TBL1X: variants seen among roughly 807,000 people sequenced by gnomAD.
TBL1X encodes transducin beta like 1 X-linked.
In TBL1X, 10 loss-of-function variants were observed where a neutral mutation model predicts 50.7. That is an observed-to-expected ratio of 0.20 (90% CI 0.12 to 0.33). The LOEUF is 0.33. TBL1X is among the 10% of genes least tolerant of loss of function. The pLI is 1.00. For missense variants in TBL1X, 340 were observed against 504.4 expected, an observed-to-expected ratio of 0.67 and a Z score of 3.12; for synonymous variants, 190 against 214.7, an observed-to-expected ratio of 0.88 and a Z score of 1.01.
chrX:9,685,721 T>TC (rs1373898559), intron 6 of TBL1X, among the ~76,000 whole-genome samples: 25 of 91,821 alleles, frequency 2.7e-4, no homozygotes, highest in South Asian at 1.8e-3. Flanking sequence ...TCTTTTCTTT[T>TC]TTTTTTTTTT....
intron 3 of TBL1X, among the ~76,000 whole-genome samples, chrX:9,646,313 A>G (rs2082804401): frequency 2.7e-5 from 3 of 112,598 alleles, no homozygotes; most frequent in South Asian, 7.3e-4. Context: ...AAAGATGTGC[A>G]AAGTGGTAAA....
intron 2 of TBL1X, among the ~76,000 whole-genome samples, chrX:9,580,372 C>T (rs770071018): frequency 2.9e-4 from 32 of 111,767 alleles, no homozygotes; most frequent in African/African-American, 5.5e-4. Flanking sequence ...TCTGGAAAGG[C>T]GGGACAACTC....
chrX:9,673,892 C>G (rs1437937920), intron 5 of TBL1X, among the ~76,000 whole-genome samples: 3 of 111,508 alleles, frequency 2.7e-5, no homozygotes, highest in Non-Finnish European at 5.6e-5. Flanking sequence ...CATAGTGAAA[C>G]CCCATCTCTA....
chrX:9,600,894 C>A (rs1301070882), intron 2 of TBL1X, among the ~76,000 whole-genome samples: 1 of 111,194 alleles, frequency 9.0e-6, no homozygotes, highest in Non-Finnish European at 1.9e-5. Flanking sequence ...ACGGTGCTGG[C>A]GTTTCAGCTG....
At chrX:9,697,972 C>G (rs1371310419) in intron 12 of TBL1X, among the ~76,000 whole-genome samples, 1 of 111,333 alleles carries the variant, frequency 9.0e-6, no homozygotes, top group Non-Finnish European at 1.9e-5. Context: ...CTAGTTTTAG[C>G]TACCCAGGAA....
At chrX:9,506,014 CATGGCACTT>C (rs781361944) in intron 2 of TBL1X, among the ~76,000 whole-genome samples, 7 of 112,412 alleles carry the variant, frequency 6.2e-5, no homozygotes, top group Non-Finnish European at 9.4e-5. Flanking sequence ...CTCAGTGCCA[CATGGCACTT>C]ATTCTAAAAT....
chrX:9,546,868 G>A (rs1441316851), intron 2 of TBL1X, among the ~76,000 whole-genome samples: 2 of 89,835 alleles, frequency 2.2e-5, no homozygotes, highest in Non-Finnish European at 4.3e-5. Context: ...GCCCAGGCTG[G>A]AGTGCAGTGG....
intron 2 of TBL1X, among the ~76,000 whole-genome samples, chrX:9,588,607 A>ATTT (rs112613645): frequency 2.0e-5 from 2 of 100,560 alleles, no homozygotes; most frequent in African/African-American, 3.7e-5. Context: ...ATTCATTTTG[A>ATTT]TTTTTTTTTT....
chrX:9,622,692 G>A (rs778492634), intron 2 of TBL1X, among the ~76,000 whole-genome samples: 1 of 111,495 alleles, frequency 9.0e-6, no homozygotes, highest in African/African-American at 3.3e-5. Context: ...AGTAGAGATG[G>A]GGTTTTGCCA....
chrX:9,621,569 A>G (rs1219240418), intron 2 of TBL1X, among the ~76,000 whole-genome samples: 2 of 111,937 alleles, frequency 1.8e-5, no homozygotes, highest in Non-Finnish European at 3.8e-5. Flanking sequence ...TGAGGTAGAG[A>G]GAAATGATGC....
At chrX:9,686,881 G>C (rs1232765874) in intron 6 of TBL1X, among the ~76,000 whole-genome samples, 7 of 112,547 alleles carry the variant, frequency 6.2e-5, no homozygotes, top group Non-Finnish European at 1.3e-4. Flanking sequence ...CCAGAATCAA[G>C]GGCCAAGAGT....
chrX:9,608,629 C>T (rs1457206201), intron 2 of TBL1X, among the ~76,000 whole-genome samples: 3 of 112,207 alleles, frequency 2.7e-5, no homozygotes, highest in African/African-American at 6.5e-5. Flanking sequence ...TCCCAAATCC[C>T]TTGAGGCAAT....
chrX:9,580,928 C>T (rs754110862), intron 2 of TBL1X, among the ~76,000 whole-genome samples: 92 of 111,277 alleles, frequency 8.3e-4, no homozygotes, highest in African/African-American at 3.0e-3. Flanking sequence ...TGATGATGTT[C>T]GTGCTGGAGG....
At chrX:9,478,970 T>A (rs767230601) in intron 1 of TBL1X, among the ~76,000 whole-genome samples, 1 of 112,502 alleles carries the variant, frequency 8.9e-6, no homozygotes, top group Non-Finnish European at 1.9e-5. Context: ...AAAAGAGATT[T>A]TAAAATGATT....
At chrX:9,529,196 T>C (rs2082147739) in intron 2 of TBL1X, among the ~76,000 whole-genome samples, 1 of 111,953 alleles carries the variant, frequency 8.9e-6, no homozygotes. Flanking sequence ...TATTGGGACA[T>C]AGCCATGCCC....
At chrX:9,524,626 G>T (rs187015292) in intron 2 of TBL1X, among the ~76,000 whole-genome samples, 68 of 112,703 alleles carry the variant, frequency 6.0e-4, no homozygotes, top group African/African-American at 2.1e-3. Context: ...TGTAACTGTA[G>T]ATGGATACCT....
intron 12 of TBL1X, among the ~76,000 whole-genome samples, chrX:9,701,890 C>T (rs1456051591): frequency 8.9e-6 from 1 of 111,919 alleles, no homozygotes; most frequent in East Asian, 2.8e-4. Context: ...ATGAAACACG[C>T]TGCTGGGGAT....
chrX:9,473,386 A>T (rs777114549), intron 1 of TBL1X, among the ~76,000 whole-genome samples: 1 of 112,123 alleles, frequency 8.9e-6, no homozygotes, highest in South Asian at 3.7e-4. Flanking sequence ...ATTCAAAATT[A>T]TAAACTTGAA....
At chrX:9,632,372 C>A (rs2082726035) in intron 2 of TBL1X, among the ~76,000 whole-genome samples, 1 of 111,699 alleles carries the variant, frequency 9.0e-6, no homozygotes, top group African/African-American at 3.3e-5. Flanking sequence ...CCTCCGCCTC[C>A]CGAGTTCAAG....
Sources: allele counts gnomAD v4.1 joint callset (sites outside exome capture counted in the v4.1 genomes callset), GRCh38; gene constraint gnomAD v4.1.1; transcripts MANE v1.5; gene names NCBI Gene and HGNC (gene_info 2026-07-23, HGNC 2026-07-21).